The following KIAA1671 variants were observed in gnomAD, a reference collection of about 807,000 sequenced individuals.
The protein encoded by KIAA1671 is uncharacterized protein KIAA1671.
A neutral mutation model predicts 131.2 loss-of-function variants in KIAA1671; 52 were observed. The ratio of observed to expected loss-of-function variants is 0.40; its 90% CI spans 0.32 to 0.50. KIAA1671 has a LOEUF of 0.50. Ranked by LOEUF, KIAA1671 falls within the 20% of genes least tolerant of loss-of-function variation. KIAA1671 has a pLI of 0.73. For synonymous variants in KIAA1671, 1,003 were observed against 961.6 expected (o/e 1.04, Z -0.80); for missense variants, 2,360 against 2,364.2 (o/e 1.00, Z 0.04).
At chr22:25,103,718 G>T (rs1930833417) in intron 6 of KIAA1671, among the ~76,000 whole-genome samples, 1 of 151,932 alleles carries the variant, frequency 6.6e-6, no homozygotes, top group African/African-American at 2.4e-5. Context: ...GGTCTCAAAT[G>T]CCTGACCTTG....
chr22:25,187,458 A>C (rs1026816662), intron 11 of KIAA1671, among the ~76,000 whole-genome samples: 1 of 148,500 alleles, frequency 6.7e-6, no homozygotes, highest in Admixed American at 6.9e-5. Context: ...CCCATTTAAC[A>C]ATCTTCATAA....
chr22:24,999,760 A>G (rs998428134), intron 1 of KIAA1671, among the ~76,000 whole-genome samples: 1 of 147,982 alleles, frequency 6.8e-6, no homozygotes, highest in African/African-American at 2.5e-5. Flanking sequence ...ACAGGGTCTC[A>G]TCATATTGTT....
chr22:25,163,005 C>G (rs1933499162), intron 6 of KIAA1671, among the ~76,000 whole-genome samples: 1 of 152,120 alleles, frequency 6.6e-6, no homozygotes, highest in Non-Finnish European at 1.5e-5. Flanking sequence ...AAACTGGTGT[C>G]ACAACACACA....
At chr22:24,995,512 A>G (rs1206394965) in intron 1 of KIAA1671, among the ~76,000 whole-genome samples, 2 of 151,450 alleles carry the variant, frequency 1.3e-5, no homozygotes, top group African/African-American at 4.9e-5. Flanking sequence ...AGGAGCTACC[A>G]TGTCTGGCTA....
At chr22:25,064,690 C>T (rs918884631) in intron 6 of KIAA1671, 4 of 152,278 alleles carry the variant, frequency 2.6e-5, no homozygotes. Context: ...GGGCACATGT[C>T]TGGCTTCCCT....
chr22:24,984,338 C>T (rs538205572), intron 1 of KIAA1671, among the ~76,000 whole-genome samples: 1 of 152,290 alleles, frequency 6.6e-6, no homozygotes, highest in East Asian at 1.9e-4. Flanking sequence ...CTTAGGGTCA[C>T]ACAGCTAGGG....
rs1934065376 is a variant in KIAA1671 at position 25,177,262 on chromosome 22, A to C, written c.4900-86A>C. Reference sequence around the variant, plus strand: ...CTAAATAGCCTCTCATCTGTCAACGAAGCTGTGTACCGCCAACTGTGTTGT... The same window carrying C: ...CTAAATAGCCTCTCATCTGTCAACGCAGCTGTGTACCGCCAACTGTGTTGT... On this transcript the variant is annotated intron_variant, in intron 8 of 12. Coordinates refer to ENST00000358431, the MANE Select transcript of KIAA1671 (RefSeq NM_001145206.2). 5 of 1,302,174 alleles carry C rather than the reference A, an allele frequency of 3.8e-6. No individual in the cohort carries two copies. The Admixed American group carries it at 1.1e-4, about 28-fold the overall frequency. 80.7% of individuals were successfully genotyped at this position (1,302,174 alleles called of 1,614,324 possible).
intron 5 of KIAA1671, among the ~76,000 whole-genome samples, chr22:25,044,733 C>T (rs1394586084): frequency 6.6e-6 from 1 of 152,164 alleles, no homozygotes; most frequent in African/African-American, 2.4e-5. Flanking sequence ...GGTGAGTGTT[C>T]CCCCAGAGGC....
At chr22:25,074,056 A>G (rs1028942347) in intron 6 of KIAA1671, among the ~76,000 whole-genome samples, 3 of 152,168 alleles carry the variant, frequency 2.0e-5, no homozygotes, top group Non-Finnish European at 4.4e-5. Context: ...GAGAGCATGT[A>G]GTATTTTGTC....
rs1271653065 is a variant in KIAA1671 at position 25,001,953 on chromosome 22, G to A, written c.-207-23680G>A. On this transcript the variant is annotated intron_variant, in intron 1 of 12. Transcript: ENST00000358431. ...TGATATAAAATATATAATCATGTAT[G>A]AGTCCACACATTTATATACATATAC... Among the ~76,000 whole-genome samples, 8 of 151,988 alleles carry A rather than the reference G, an allele frequency of 5.3e-5. No homozygotes were observed. The East Asian group carries it at 1.5e-3, about 29-fold the overall frequency.
chr22:25,014,060 C>G (rs1221618189), intron 1 of KIAA1671: 1 of 152,160 alleles, frequency 6.6e-6, no homozygotes, highest in Non-Finnish European at 1.5e-5. Flanking sequence ...TAGCCCACTT[C>G]TAGGCAAAAT....
chr22:25,102,761 G>A (rs1930756959), intron 6 of KIAA1671: 1 of 152,520 alleles, frequency 6.6e-6, no homozygotes, highest in South Asian at 2.1e-4. Context: ...TGTTAACTAT[G>A]TGCCAGCGGC....
chr22:25,111,873 C>T (rs1464767956), intron 6 of KIAA1671: 1 of 178,290 alleles, frequency 5.6e-6, no homozygotes, highest in Non-Finnish European at 1.2e-5. Flanking sequence ...CTGGGTGAGC[C>T]CTGGAACTGG....
At chr22:25,170,101 G>A (rs1034758367) in intron 6 of KIAA1671, among the ~76,000 whole-genome samples, 2 of 152,066 alleles carry the variant, frequency 1.3e-5, no homozygotes, top group Non-Finnish European at 1.5e-5. Context: ...TTTTAGTAGA[G>A]ATGAGGTTTC....
At position 24,965,998 on chromosome 22, in the gene KIAA1671, A is replaced by T. The variant is rs559920363; in HGVS notation, c.-208+13226A>T. Among the ~76,000 whole-genome samples the T allele has an allele frequency of 8.5e-5, 13 of 152,324 alleles. No individual in the cohort carries two copies. In the South Asian group the frequency reaches 2.1e-3, roughly 24 times the overall value. On this transcript the variant is annotated intron_variant, in intron 1 of 12. Transcript: ENST00000358431. ...ACCTATGAAGAAAAATGGTAGTGTT[A>T]TTCCCATTTTATAGATGAGGAAACT...
At chr22:24,964,803 C>T (rs1332474929) in intron 1 of KIAA1671, among the ~76,000 whole-genome samples, 1 of 152,098 alleles carries the variant, frequency 6.6e-6, no homozygotes, top group Non-Finnish European at 1.5e-5. Context: ...GTCACTTGCC[C>T]AGGACCATAC....
chr22:25,076,841 C>T (rs564832861), intron 6 of KIAA1671, among the ~76,000 whole-genome samples: 7 of 152,320 alleles, frequency 4.6e-5, no homozygotes, highest in East Asian at 3.9e-4. Flanking sequence ...CTGTACTAAA[C>T]GCCTTTCAGA....
chr22:24,998,432 C>T lies in KIAA1671; in HGVS notation c.-207-27201C>T, dbSNP rs1347796378. Among the ~76,000 whole-genome samples the T allele has an allele frequency of 2.0e-5, 3 of 150,988 alleles. No individual in the cohort carries two copies. The East Asian group carries it at 5.9e-4, about 29-fold the overall frequency. On this transcript the variant is annotated intron_variant, in intron 1 of 12. Coordinates refer to ENST00000358431, the MANE Select transcript of KIAA1671 (RefSeq NM_001145206.2). ...TGTCTCAAAAAAATAAAAGAAATTG[C>T]ATTTGGGCCGGGCACGGTGGCTCAC...
Position 25,174,226 on chromosome 22 carries a change from C to T in KIAA1671, c.4650-14C>T, listed in dbSNP as rs1445298209. On this transcript the variant is annotated splice_polypyrimidine_tract_variant and intron_variant, in intron 7 of 12. Coordinates refer to ENST00000358431, the MANE Select transcript of KIAA1671 (RefSeq NM_001145206.2). ...CTCCATAACCATGTCTCCCTTCATT[C>T]CCTTTTTTGGCAGCTTGGCCACTGA... 2 of 1,551,192 alleles carry T rather than the reference C, an allele frequency of 1.3e-6. No homozygotes were observed. The highest frequency in any genetic ancestry group is 1.7e-6 in the Non-Finnish European group (2 of 1,146,636).
Sources: gnomAD v4.1 joint callset for allele counts (sites outside exome capture counted in the v4.1 genomes callset) on GRCh38, gnomAD v4.1.1 for gene constraint, MANE v1.5 for transcripts, NCBI Gene and HGNC (gene_info 2026-07-23, HGNC 2026-07-21) for gene names.